Variants in CNTN3 observed in about 807,000 individuals in gnomAD.
The protein encoded by CNTN3 is contactin 3.
A neutral mutation model predicts 119.1 loss-of-function variants in CNTN3; 60 were observed. The observed-to-expected ratio is 0.50, with a 90% confidence interval of 0.41 to 0.62. The LOEUF is 0.62. CNTN3 is among the 20% of genes least tolerant of loss of function. The probability of loss-of-function intolerance (pLI) is 0.00; values close to 1 mark genes in which losing one functional copy is unlikely to be tolerated. For missense variants in CNTN3, 1,101 were observed against 1,242.4 expected (o/e 0.89, Z 1.71); for synonymous variants, 450 against 438.7 (o/e 1.03, Z -0.32).
At chr3:74,591,425 G>A (rs553796464) in intron 1 of CNTN3, among the ~76,000 whole-genome samples, 4 of 151,970 alleles carry the variant, frequency 2.6e-5, no homozygotes, top group South Asian at 2.1e-4. Context: ...TTCCCTGCAA[G>A]AGGCAGGAAG....
intron 13 of CNTN3, among the ~76,000 whole-genome samples, chr3:74,333,511 C>T (rs1703317835): frequency 6.6e-6 from 1 of 152,200 alleles, no homozygotes; most frequent in African/African-American, 2.4e-5. Flanking sequence ...TCCTCTGTGT[C>T]TGTGCTTCAC....
At chr3:74,435,814 T>C (rs770512901) in intron 4 of CNTN3, among the ~76,000 whole-genome samples, 5 of 152,190 alleles carry the variant, frequency 3.3e-5, no homozygotes, top group South Asian at 2.1e-4. Context: ...TCCAGTCCCA[T>C]TGATTTCAAG....
chr3:74,362,040 G>C lies in CNTN3; in HGVS notation c.1214C>G (p.Ala405Gly). The C allele has an allele frequency of 6.2e-7, 1 of 1,613,020 alleles. No homozygotes were observed. The highest frequency in any genetic ancestry group is 8.5e-7 in the Non-Finnish European group (1 of 1,179,362). The change falls in exon 11 of 23, where the codon GCT (alanine) becomes GGT (glycine). Residue 405 changes from alanine (A) to glycine (G), a missense_variant and splice_region_variant. Ala to Gly is a moderately conservative substitution (Grantham distance 60). Transcript: ENST00000263665. ...ATTCTTTGAAAAATCTGGAGCAGAA[G>C]CTGAAAGGCAAGAAAGGAGAGAAGG... ...VYSSAELKVV[A>G]SAPDFSKNPM...
At chr3:74,472,288 T>C (rs923639881) in intron 4 of CNTN3, among the ~76,000 whole-genome samples, 4 of 152,186 alleles carry the variant, frequency 2.6e-5, no homozygotes, top group African/African-American at 9.6e-5. Flanking sequence ...AACATTCTAG[T>C]TAATTTGAGC....
intron 1 of CNTN3, among the ~76,000 whole-genome samples, chr3:74,533,584 G>C (rs1387084274): frequency 6.6e-6 from 1 of 151,902 alleles, no homozygotes; most frequent in Non-Finnish European, 1.5e-5. Context: ...AACTGAGGTA[G>C]AAAAACATTA....
At chr3:74,373,424 C>T (rs1704392117) in intron 5 of CNTN3, among the ~76,000 whole-genome samples, 1 of 152,134 alleles carries the variant, frequency 6.6e-6, no homozygotes, top group East Asian at 1.9e-4. Flanking sequence ...TGTCCTTCTC[C>T]CTTTTACCCA....
At chr3:74,575,114 A>G (rs572386714) in intron 1 of CNTN3, among the ~76,000 whole-genome samples, 5 of 152,084 alleles carry the variant, frequency 3.3e-5, no homozygotes, top group African/African-American at 1.2e-4. Context: ...TTGTAGAGAC[A>G]GGGTTTCACT....
chr3:74,324,386 T>C (rs1703080377), intron 13 of CNTN3, among the ~76,000 whole-genome samples: 1 of 152,068 alleles, frequency 6.6e-6, no homozygotes, highest in African/African-American at 2.4e-5. Flanking sequence ...TAATTTTTAA[T>C]TTTTGGTAGA....
intron 1 of CNTN3, among the ~76,000 whole-genome samples, chr3:74,533,467 G>T (rs1292876332): frequency 6.6e-6 from 1 of 151,944 alleles, no homozygotes; most frequent in Non-Finnish European, 1.5e-5. Context: ...GATAATAATG[G>T]CAAACACTCA....
intron 1 of CNTN3, among the ~76,000 whole-genome samples, chr3:74,527,903 T>C (rs151019549): frequency 9.2e-5 from 14 of 152,056 alleles, no homozygotes; most frequent in African/African-American, 3.4e-4. Context: ...CAAGTCTTCA[T>C]CCCTGAAGGA....
intron 5 of CNTN3, among the ~76,000 whole-genome samples, chr3:74,407,452 T>TTA (rs377533505): frequency 2.0e-5 from 3 of 149,662 alleles, no homozygotes; most frequent in Non-Finnish European, 4.5e-5. Flanking sequence ...TTTTTTTTTT[T>TTA]AGTAGAGACA....
intron 1 of CNTN3, among the ~76,000 whole-genome samples, chr3:74,525,816 A>T (rs1197122439): frequency 6.6e-6 from 1 of 151,874 alleles, no homozygotes; most frequent in African/African-American, 2.4e-5. Context: ...AAATGCTCTA[A>T]ATAGTTGTGC....
intron 1 of CNTN3, among the ~76,000 whole-genome samples, chr3:74,537,867 C>T (rs1026231261): frequency 2.6e-5 from 4 of 151,944 alleles, no homozygotes; most frequent in Admixed American, 6.6e-5. Flanking sequence ...AGAATGGTAA[C>T]CCAGAGCTTG....
intron 1 of CNTN3, among the ~76,000 whole-genome samples, chr3:74,598,306 C>T (rs1049389528): frequency 1.3e-5 from 2 of 151,970 alleles, no homozygotes; most frequent in African/African-American, 2.4e-5. Context: ...CCAGCCATTT[C>T]GGTTGCCCCA....
chr3:74,388,315 G>A (rs1257555295), intron 5 of CNTN3, among the ~76,000 whole-genome samples: 1 of 152,092 alleles, frequency 6.6e-6, no homozygotes, highest in Non-Finnish European at 1.5e-5. Flanking sequence ...AGTATATAAA[G>A]TATCCCCAGA....
At chr3:74,321,449 A>G (rs1702987114) in intron 13 of CNTN3, among the ~76,000 whole-genome samples, 1 of 152,156 alleles carries the variant, frequency 6.6e-6, no homozygotes, top group South Asian at 2.1e-4. Context: ...GAGTGCATAT[A>G]AAAGCAAAAA....
chr3:74,610,037 T>C (rs1705054494), intron 1 of CNTN3, among the ~76,000 whole-genome samples: 1 of 152,062 alleles, frequency 6.6e-6, no homozygotes, highest in Admixed American at 6.5e-5. Flanking sequence ...AAAAACTCTA[T>C]GTGGGCCAGA....
intron 1 of CNTN3, among the ~76,000 whole-genome samples, chr3:74,537,648 G>A (rs1329694776): frequency 2.6e-5 from 4 of 152,104 alleles, no homozygotes; most frequent in African/African-American, 9.7e-5. Flanking sequence ...AGTAGGGAAG[G>A]CAGAGGAAGG....
At position 74,353,755 on chromosome 3, in the gene CNTN3, CA is replaced by C. The variant is rs922990463; in HGVS notation, c.1364+8134del. On this transcript the variant is annotated intron_variant, in intron 11 of 22. Coordinates refer to ENST00000263665, the MANE Select transcript of CNTN3 (RefSeq NM_020872.3). ...TGGGGGACAGAGCGAGACTCCGTCT[CA>C]AAAAAAAAATTAATTAATTAATTAA... 1.6e-4 allele frequency among the ~76,000 whole-genome samples: 24 copies of C among 146,788 alleles called. 1 individual carries two copies. The South Asian group carries it at 2.4e-3, about 15-fold the overall frequency.
Sources: gnomAD v4.1 joint callset for allele counts (sites outside exome capture counted in the v4.1 genomes callset) on GRCh38, gnomAD v4.1.1 for gene constraint, MANE v1.5 for transcripts, NCBI Gene and HGNC (gene_info 2026-07-23, HGNC 2026-07-21) for gene names.